Variants in UBR1 observed in about 807,000 individuals in gnomAD.
The protein encoded by UBR1 is E3 ubiquitin-protein ligase UBR1.
Under a neutral mutation model 242.1 loss-of-function variants are expected in UBR1, and 102 were observed. The ratio of observed to expected loss-of-function variants is 0.42; its 90% CI spans 0.36 to 0.50. The LOEUF is 0.50. Among genes scored for constraint, UBR1 ranks in the 20% least tolerant of loss-of-function variants. UBR1 has a pLI of 0.01. For missense variants in UBR1, 1,772 were observed against 2,101.8 expected, an observed-to-expected ratio of 0.84 and a Z score of 3.07; for synonymous variants, 675 against 684.8, an observed-to-expected ratio of 0.99 and a Z score of 0.22.
intron 10 of UBR1, 122 bp from the exon 11 acceptor site, chr15:43,056,564 T>C (rs2033622242): frequency 1.5e-6 from 1 of 646,534 alleles, no homozygotes; most frequent in African/African-American, 1.8e-5. Flanking sequence ...ATAATTCCTA[T>C]TTATTAAGGC....
At chr15:43,015,615 G>A (rs554712845) in intron 29 of UBR1, 73 bp downstream of exon 29, 37 of 1,523,304 alleles carry the variant, frequency 2.4e-5, no homozygotes, top group African/African-American at 6.9e-5. Flanking sequence ...TCCCCCTCTC[G>A]GAGAAACACC....
At chr15:43,025,028 A>T in intron 24 of UBR1, 45 bp from the exon 25 acceptor site, 1 of 1,609,336 alleles carries the variant, frequency 6.2e-7, no homozygotes, top group Non-Finnish European at 8.5e-7. Context: ...AAACAGGTAC[A>T]TTTTTATTTG....
chr15:43,075,257 A>C (rs1307664374), intron 3 of UBR1, among the ~76,000 whole-genome samples, 168 bp from the exon 4 acceptor site: 2 of 152,234 alleles, frequency 1.3e-5, no homozygotes, highest in African/African-American at 2.4e-5. Context: ...TTACCTAAAA[A>C]ACAAACCAAC....
chr15:43,018,651 A>G (rs1485404336), intron 27 of UBR1, among the ~76,000 whole-genome samples: 1 of 152,178 alleles, frequency 6.6e-6, no homozygotes, highest in Non-Finnish European at 1.5e-5. Flanking sequence ...TTAGCTTCCC[A>G]AAGTGCTGGA....
chr15:43,025,724 A>G (rs2033169858), intron 23 of UBR1: 1 of 312,356 alleles, frequency 3.2e-6, no homozygotes, highest in African/African-American at 2.1e-5. Flanking sequence ...TATTTACTTG[A>G]TAAGGACAAA....
intron 32 of UBR1, among the ~76,000 whole-genome samples, chr15:43,002,283 G>A (rs925363569): frequency 2.0e-5 from 3 of 152,054 alleles, no homozygotes; most frequent in African/African-American, 4.8e-5. Flanking sequence ...GGGCAATCTC[G>A]ACTCACTGGA....
Position 43,042,542 on chromosome 15 carries a change from T to A in UBR1, c.1849+673A>T, listed in dbSNP as rs571055405. Among the ~76,000 whole-genome samples, 7 of 152,256 alleles carry A rather than the reference T, an allele frequency of 4.6e-5. No homozygotes were observed. The East Asian group carries it at 1.3e-3, about 29-fold the overall frequency. ...GGGAGGAGGCAATGGGGAGGTATTG[T>A]TTAGTAATAATAATTGTTTAATAAA... On this transcript the variant is annotated intron_variant, in intron 15 of 46. Transcript: ENST00000290650.
chr15:42,982,665 G>C (rs1406711548), intron 37 of UBR1, among the ~76,000 whole-genome samples: 1 of 152,168 alleles, frequency 6.6e-6, no homozygotes, highest in African/African-American at 2.4e-5. Flanking sequence ...GAAGCTTGTG[G>C]GGATTGACAA....
chr15:43,044,946 TC>T (rs1344770852), intron 14 of UBR1, among the ~76,000 whole-genome samples: 3 of 151,844 alleles, frequency 2.0e-5, no homozygotes, highest in African/African-American at 7.3e-5. Flanking sequence ...GAAAAAAAAA[TC>T]CTCTTTTTGT....
intron 28 of UBR1, 37 bp from the exon 29 acceptor site, chr15:43,015,906 A>G (rs1255986569): frequency 6.3e-7 from 1 of 1,594,804 alleles, no homozygotes; most frequent in Non-Finnish European, 8.6e-7. Flanking sequence ...GGTAAGATCC[A>G]CTGTTAAACA....
intron 46 of UBR1, among the ~76,000 whole-genome samples, chr15:42,948,162 G>C (rs376502181): frequency 1.3e-5 from 2 of 152,184 alleles, no homozygotes; most frequent in East Asian, 1.9e-4. Flanking sequence ...ACAAACCTGA[G>C]AAAAACAAGC....
intron 8 of UBR1, 114 bp downstream of exon 8, chr15:43,059,588 C>CAAAAAAAAA: frequency 2.0e-6 from 2 of 1,012,274 alleles, no homozygotes; most frequent in African/African-American, 2.0e-5. Context: ...GTGTATAAAC[C>CAAAAAAAAA]AAAAAAAAAA....
chr15:43,104,986 C>T (rs1395397506), intron 1 of UBR1, among the ~76,000 whole-genome samples: 1 of 152,132 alleles, frequency 6.6e-6, no homozygotes, highest in African/African-American at 2.4e-5. Flanking sequence ...CGAGATTACA[C>T]CACTGCACTT....
At chr15:43,014,126 C>T (rs1408453656) in intron 29 of UBR1, among the ~76,000 whole-genome samples, 2 of 152,256 alleles carry the variant, frequency 1.3e-5, no homozygotes, top group Non-Finnish European at 2.9e-5. Flanking sequence ...GCGAGTGATC[C>T]GCCAGCCTCG....
chr15:43,002,447 C>T (rs1316542148), intron 32 of UBR1, 108 bp downstream of exon 32: 9 of 1,314,888 alleles, frequency 6.8e-6, no homozygotes, highest in Non-Finnish European at 8.6e-6. Flanking sequence ...TCTCGAACCC[C>T]TGAGCTCTGG....
intron 1 of UBR1, among the ~76,000 whole-genome samples, chr15:43,094,157 C>T (rs563679792): frequency 6.9e-4 from 105 of 152,208 alleles, no homozygotes; most frequent in African/African-American, 2.3e-3. Flanking sequence ...TCTGAAAAGG[C>T]GTGGTGGCTC....
At chr15:43,017,801 C>T (rs191965105) in intron 27 of UBR1, among the ~76,000 whole-genome samples, 382 of 150,174 alleles carry the variant, frequency 2.5e-3, no homozygotes, top group Non-Finnish European at 4.4e-3. Context: ...CAGAGCGAGA[C>T]CCTGTCTCAA....
chr15:43,059,807 A>T lies in UBR1; in HGVS notation c.880T>A (p.Ser294Thr). ...ACTTCTACATGAAGTGGATGTTGAGAGACATTTTCTGAATGACTCTACAAA... is the reference window on the plus strand; with the variant it reads ...ACTTCTACATGAAGTGGATGTTGAGTGACATTTTCTGAATGACTCTACAAA... ...EDIKSHSENV[S>T]QHPLHVEVLH... Residue 294 changes from serine to threonine, a missense_variant, in exon 8 of 47, where the codon TCT becomes ACT. Transcript: ENST00000290650. 1 of 1,614,068 alleles carries T rather than the reference A, an allele frequency of 6.2e-7. No individual in the cohort carries two copies. Among genetic ancestry groups the T allele is most frequent in the Non-Finnish European group, 8.5e-7 (1 of 1,179,972 alleles).
chr15:42,995,290 A>G (rs114990204), intron 33 of UBR1, among the ~76,000 whole-genome samples: 3 of 152,290 alleles, frequency 2.0e-5, no homozygotes, highest in African/African-American at 4.8e-5. Context: ...CTAAATTCAC[A>G]TATGTCAAAG....
Sources: allele counts gnomAD v4.1 joint callset (sites outside exome capture counted in the v4.1 genomes callset), GRCh38; gene constraint gnomAD v4.1.1; transcripts MANE v1.5; gene names NCBI Gene and HGNC (gene_info 2026-07-23, HGNC 2026-07-21).